The following SLCO3A1 variants were observed in gnomAD, a reference collection of about 807,000 sequenced individuals.
SLCO3A1 encodes the protein solute carrier organic anion transporter family member 3A1.
SLCO3A1 carries 27 observed loss-of-function variants against 63.1 expected under a neutral mutation model. The observed-to-expected ratio is 0.43, with a 90% CI of 0.32 to 0.59. The LOEUF (loss-of-function observed/expected upper bound fraction) is 0.59, where lower values mean the gene tolerates loss of function less well. Among genes scored for constraint, SLCO3A1 ranks in the 20% least tolerant of loss-of-function variants. The probability of loss-of-function intolerance (pLI) is 0.09; values close to 1 mark genes in which losing one functional copy is unlikely to be tolerated. For missense variants in SLCO3A1, 773 were observed against 945.8 expected (o/e 0.82, Z 2.40); for synonymous variants, 473 against 409.9 (o/e 1.15, Z -1.86).
At chr15:92,080,089 T>G (rs1037493721) in intron 2 of SLCO3A1, among the ~76,000 whole-genome samples, 4 of 152,228 alleles carry the variant, frequency 2.6e-5, no homozygotes, top group Non-Finnish European at 5.9e-5. Flanking sequence ...AGATGCCTCT[T>G]TCAGCTAGGT....
At chr15:91,906,624 C>G (rs944464873) in intron 1 of SLCO3A1, among the ~76,000 whole-genome samples, 2 of 152,202 alleles carry the variant, frequency 1.3e-5, no homozygotes, top group African/African-American at 2.4e-5. Flanking sequence ...GTCTGGTCCT[C>G]TGTACATTTT....
rs988617541 is a variant in SLCO3A1 at position 91,882,913 on chromosome 15, T to C, written c.180+28825T>C. Among the ~76,000 whole-genome samples the C allele has an allele frequency of 6.6e-6, 1 of 152,014 alleles. No individual in the cohort carries two copies. The highest frequency in any genetic ancestry group is 2.4e-5 in the African/African-American group (1 of 41,376). ...CTTGCAATTAGGTATCACCTTGGTGTCCCAAAGAGATGTAATATCACCTTG... is the reference window on the plus strand; with the variant it reads ...CTTGCAATTAGGTATCACCTTGGTGCCCCAAAGAGATGTAATATCACCTTG... On this transcript the variant is annotated intron_variant, in intron 1 of 9. Transcript: ENST00000318445. The surrounding 1 kb of genome is among the most constrained non-coding windows in gnomAD (Gnocchi z 4.4).
chr15:91,973,218 T>C (rs747689916), intron 2 of SLCO3A1, among the ~76,000 whole-genome samples: 1 of 152,114 alleles, frequency 6.6e-6, no homozygotes, highest in Non-Finnish European at 1.5e-5. Context: ...AGAGAAGAAG[T>C]GGTCTTGGAT....
At chr15:91,964,811 G>C (rs371306082) in intron 2 of SLCO3A1, among the ~76,000 whole-genome samples, 1 of 151,838 alleles carries the variant, frequency 6.6e-6, no homozygotes, top group South Asian at 2.1e-4. Flanking sequence ...TCCCTTTTGC[G>C]ATGAAGAAGT....
At chr15:92,124,706 TGA>T (rs1317212059) in intron 5 of SLCO3A1, among the ~76,000 whole-genome samples, 2 of 152,058 alleles carry the variant, frequency 1.3e-5, no homozygotes, top group East Asian at 3.8e-4. Flanking sequence ...TTCAAAGAGC[TGA>T]GAGAGCCATG....
chr15:92,122,054 T>C (rs1358010459), intron 5 of SLCO3A1, among the ~76,000 whole-genome samples: 1 of 150,786 alleles, frequency 6.6e-6, no homozygotes, highest in Admixed American at 6.6e-5. Context: ...TGTGTTGGAG[T>C]CGAGGGAGGG....
intron 2 of SLCO3A1, among the ~76,000 whole-genome samples, chr15:92,046,072 T>C (rs1355446548): frequency 6.6e-6 from 1 of 152,208 alleles, no homozygotes; most frequent in Non-Finnish European, 1.5e-5. Flanking sequence ...AGGTGTCTGA[T>C]GTATACATTA....
chr15:91,929,635 A>C (rs946555191), intron 2 of SLCO3A1, among the ~76,000 whole-genome samples: 4 of 152,226 alleles, frequency 2.6e-5, no homozygotes, highest in Admixed American at 2.6e-4. Flanking sequence ...TTGTTGTGCA[A>C]CAGATGTCCA....
intron 2 of SLCO3A1, among the ~76,000 whole-genome samples, chr15:91,926,402 GA>G (rs1164786217): frequency 6.6e-6 from 1 of 152,152 alleles, no homozygotes; most frequent in Non-Finnish European, 1.5e-5. Flanking sequence ...TTATTGAATG[GA>G]AAAAATATAA....
chr15:92,146,254 C>CCTGT (rs2048221236), intron 7 of SLCO3A1, among the ~76,000 whole-genome samples: 1 of 152,154 alleles, frequency 6.6e-6, no homozygotes, highest in African/African-American at 2.4e-5. Flanking sequence ...GGGAGAGGAC[C>CCTGT]CTGTCTGCAA....
intron 3 of SLCO3A1, among the ~76,000 whole-genome samples, chr15:92,103,790 C>T (rs1428669170): frequency 6.6e-6 from 1 of 151,996 alleles, no homozygotes; most frequent in Non-Finnish European, 1.5e-5. Context: ...TTCAGAGGCC[C>T]TGCTCTAAAA....
intron 9 of SLCO3A1, 169 bp downstream of exon 9, chr15:92,151,183 C>G: frequency 5.2e-6 from 3 of 574,492 alleles, no homozygotes; most frequent in Non-Finnish European, 9.1e-6. Context: ...GAGATAAACT[C>G]AGACACTGCC....
chr15:92,163,806 G>A lies in SLCO3A1; in HGVS notation c.*671G>A. 6 of 985,398 alleles carry A rather than the reference G, an allele frequency of 6.1e-6. No homozygotes were observed. Among genetic ancestry groups the A allele is most frequent in the Non-Finnish European group, 7.2e-6 (6 of 829,964 alleles). The allele number at this position is 985,398 out of a possible 1,614,324, so 61.0% of individuals were successfully genotyped here. ...TGATCCGTGCTGGAGTTTGTAATTGGCACCTCTCACCAGCTCCATTTCCAT... is the reference window on the plus strand; with the variant it reads ...TGATCCGTGCTGGAGTTTGTAATTGACACCTCTCACCAGCTCCATTTCCAT... On this transcript the variant is annotated 3_prime_UTR_variant, in exon 10 of 10. Transcript: ENST00000318445.
chr15:92,007,632 A>T (rs1422625607), intron 2 of SLCO3A1, among the ~76,000 whole-genome samples: 1 of 152,018 alleles, frequency 6.6e-6, no homozygotes, highest in Non-Finnish European at 1.5e-5. Flanking sequence ...GACGCTAAGA[A>T]CCTCTCGCAG....
At chr15:91,987,917 G>A (rs1466273006) in intron 2 of SLCO3A1, among the ~76,000 whole-genome samples, 2 of 151,980 alleles carry the variant, frequency 1.3e-5, no homozygotes, top group Non-Finnish European at 2.9e-5. Flanking sequence ...AGGGGTCCTC[G>A]TGGCCACGTG....
chr15:91,945,434 C>A (rs893306250), intron 2 of SLCO3A1, among the ~76,000 whole-genome samples: 6 of 151,880 alleles, frequency 4.0e-5, no homozygotes, highest in Non-Finnish European at 7.4e-5. Flanking sequence ...CGTTTACATT[C>A]TAATAGGGAA....
intron 2 of SLCO3A1, among the ~76,000 whole-genome samples, chr15:91,989,799 C>A (rs922614834): frequency 1.3e-5 from 2 of 152,184 alleles, no homozygotes; most frequent in Non-Finnish European, 2.9e-5. Context: ...TCTGTCATCT[C>A]CATTATATTT....
chr15:92,113,308 G>A (rs765189000), intron 4 of SLCO3A1, among the ~76,000 whole-genome samples: 3 of 152,050 alleles, frequency 2.0e-5, no homozygotes, highest in Non-Finnish European at 4.4e-5. Context: ...TGGCTAATGG[G>A]CAGCCACATG....
chr15:91,968,635 C>A lies in SLCO3A1; in HGVS notation c.646+52177C>A, dbSNP rs1174653549. Among the ~76,000 whole-genome samples the A allele has an allele frequency of 6.6e-6, 1 of 152,140 alleles. No homozygotes were observed. Among genetic ancestry groups the A allele is most frequent in the Non-Finnish European group, 1.5e-5 (1 of 68,024 alleles). ...GGGTAGAAACAAGCGACCCCTGCTT[C>A]CATGTGAAGCTTCATTCCCCAACCC... On this transcript the variant is annotated intron_variant, in intron 2 of 9. Coordinates refer to ENST00000318445, the MANE Select transcript of SLCO3A1 (RefSeq NM_013272.4). This position sits in a 1 kb window ranked among gnomAD's most constrained non-coding sequence, Gnocchi z 4.2.
Sources: allele counts gnomAD v4.1 joint callset (sites outside exome capture counted in the v4.1 genomes callset), GRCh38; gene constraint gnomAD v4.1.1; non-coding constraint Gnocchi (gnomAD v3.1); transcripts MANE v1.5; gene names NCBI Gene and HGNC (gene_info 2026-07-23, HGNC 2026-07-21).